Variants in BCAS3 observed in about 807,000 individuals in gnomAD.
BCAS3 encodes the protein BCAS3 microtubule associated cell migration factor, also known as BCAS4/BCAS3 fusion.
BCAS3 carries 53 observed loss-of-function variants against 116.1 expected under a neutral mutation model. The ratio of observed to expected loss-of-function variants is 0.46; its 90% CI spans 0.37 to 0.57. BCAS3 has a LOEUF of 0.57. BCAS3 is among the 20% of genes least tolerant of loss of function. BCAS3 has a pLI of 0.00. For missense variants in BCAS3, 917 were observed against 1,165.4 expected, an observed-to-expected ratio of 0.79 and a Z score of 3.10; for synonymous variants, 391 against 408.2, an observed-to-expected ratio of 0.96 and a Z score of 0.51.
chr17:60,815,631 T>G (rs950606175), intron 7 of BCAS3, among the ~76,000 whole-genome samples: 1 of 152,174 alleles, frequency 6.6e-6, no homozygotes, highest in African/African-American at 2.4e-5. Context: ...TGAGACTCAG[T>G]TTATAGGCAT....
At position 61,343,756 on chromosome 17, in the gene BCAS3, A is replaced by G. The variant is rs1383983429; in HGVS notation, c.2426-24571A>G. ...TGTGATTATCCTCTGTCTAAGTCAA[A>G]AGCAGCTTAATTCCTCTAAAAACAG... On this transcript the variant is annotated intron_variant, in intron 22 of 23. Transcript: ENST00000407086. The surrounding 1 kb of genome is among the most constrained non-coding windows in gnomAD (Gnocchi z 5.5). 6.6e-6 allele frequency among the ~76,000 whole-genome samples: 1 copy of G among 152,214 alleles called. No homozygotes were observed. Among genetic ancestry groups the G allele is most frequent in the Non-Finnish European group, 1.5e-5 (1 of 68,042 alleles).
intron 13 of BCAS3, among the ~76,000 whole-genome samples, chr17:60,940,646 A>G (rs895849691): frequency 5.3e-5 from 8 of 152,338 alleles, no homozygotes; most frequent in African/African-American, 1.9e-4. Context: ...GTTTGTATCT[A>G]TACAGGTGTT....
At chr17:60,925,955 C>T (rs2059347579) in intron 13 of BCAS3, among the ~76,000 whole-genome samples, 1 of 152,026 alleles carries the variant, frequency 6.6e-6, no homozygotes, top group African/African-American at 2.4e-5. Context: ...ACCCTATACA[C>T]ATAGCCTGAA....
At chr17:60,856,926 G>A (rs557762169) in intron 7 of BCAS3, among the ~76,000 whole-genome samples, 6 of 152,134 alleles carry the variant, frequency 3.9e-5, no homozygotes, top group East Asian at 1.9e-4. Flanking sequence ...TGAATTCACT[G>A]TGTAAATTCC....
chr17:60,906,006 C>T (rs892931597), intron 11 of BCAS3, among the ~76,000 whole-genome samples: 2 of 152,202 alleles, frequency 1.3e-5, no homozygotes, highest in Non-Finnish European at 1.5e-5. Context: ...GGGAACCTCT[C>T]GGTTGAATAT....
chr17:60,780,268 G>T (rs932397551), intron 6 of BCAS3, among the ~76,000 whole-genome samples: 10 of 150,062 alleles, frequency 6.7e-5, no homozygotes, highest in Admixed American at 6.7e-4. Flanking sequence ...GATTACAGGC[G>T]TGAGCCACCA....
At chr17:60,954,220 G>C (rs1725234355) in intron 14 of BCAS3, among the ~76,000 whole-genome samples, 1 of 152,086 alleles carries the variant, frequency 6.6e-6, no homozygotes, top group Non-Finnish European at 1.5e-5. Context: ...CCATTGGTTT[G>C]TGTGTCTGTT....
Position 61,098,316 on chromosome 17 carries a change from G to C in BCAS3, c.2425+13752G>C, listed in dbSNP as rs1200788584. Among the ~76,000 whole-genome samples, 1 of 152,156 alleles carries C rather than the reference G, an allele frequency of 6.6e-6. No homozygotes were observed. The highest frequency in any genetic ancestry group is 1.5e-5 in the Non-Finnish European group (1 of 68,018). ...AAATAGAGTCTTTGTCCCCCTTTCT[G>C]TTCTTAGTATTTAAGAGGCCTTCAT... On this transcript the variant is annotated intron_variant, in intron 22 of 23. Transcript: ENST00000407086. The surrounding 1 kb of genome is among the most constrained non-coding windows in gnomAD (Gnocchi z 4.2).
Position 61,239,770 on chromosome 17 carries a change from T to A in BCAS3, c.2426-128557T>A, listed in dbSNP as rs1318930107. On this transcript the variant is annotated intron_variant, in intron 22 of 23. Transcript: ENST00000407086. The surrounding 1 kb of genome is among the most constrained non-coding windows in gnomAD (Gnocchi z 4.2). ...TAAAATGTCTTAAGGTGCAACTTATTCTGGAGTTGATACCAGTTGGAATAG... is the reference window on the plus strand; with the variant it reads ...TAAAATGTCTTAAGGTGCAACTTATACTGGAGTTGATACCAGTTGGAATAG... Among the ~76,000 whole-genome samples, 2 of 152,380 alleles carry A rather than the reference T, an allele frequency of 1.3e-5. No homozygotes were observed. Among genetic ancestry groups the A allele is most frequent in the African/African-American group, 4.8e-5 (2 of 41,600 alleles).
chr17:61,280,300 C>T (rs1324809227), intron 22 of BCAS3, among the ~76,000 whole-genome samples: 1 of 152,210 alleles, frequency 6.6e-6, no homozygotes, highest in Admixed American at 6.5e-5. Context: ...CAAATTCCAA[C>T]CACTTGCAAT....
At chr17:60,682,322 C>A (rs2033283840) in intron 2 of BCAS3, among the ~76,000 whole-genome samples, 1 of 152,090 alleles carries the variant, frequency 6.6e-6, no homozygotes, top group Non-Finnish European at 1.5e-5. Context: ...ATTGAAGTTG[C>A]ATATGGCTGA....
chr17:60,965,909 G>C (rs1297851282), intron 14 of BCAS3, among the ~76,000 whole-genome samples: 1 of 152,126 alleles, frequency 6.6e-6, no homozygotes, highest in African/African-American at 2.4e-5. Context: ...TTTTATGTCT[G>C]AATGATTTGT....
intron 15 of BCAS3, among the ~76,000 whole-genome samples, chr17:61,001,954 A>G (rs936145571): frequency 6.6e-6 from 1 of 152,120 alleles, no homozygotes; most frequent in African/African-American, 2.4e-5. Context: ...AGATGCTTTC[A>G]TTTCAGAATC....
chr17:61,341,479 A>C (rs1420153109), intron 22 of BCAS3, among the ~76,000 whole-genome samples: 1 of 152,132 alleles, frequency 6.6e-6, no homozygotes, highest in African/African-American at 2.4e-5. Flanking sequence ...AGGCAGGTAC[A>C]TTATCCCTGT....
chr17:61,038,849 T>C (rs1212737865), intron 18 of BCAS3, among the ~76,000 whole-genome samples: 1 of 151,636 alleles, frequency 6.6e-6, no homozygotes, highest in Non-Finnish European at 1.5e-5. Context: ...TTAGTAGAGA[T>C]AGGGTTTCAC....
intron 23 of BCAS3, among the ~76,000 whole-genome samples, chr17:61,369,158 A>C (rs1031569335): frequency 1.3e-5 from 2 of 152,220 alleles, no homozygotes; most frequent in African/African-American, 2.4e-5. Context: ...GTACAGCTGT[A>C]ATACAGCCTG....
chr17:60,760,557 A>G (rs1383085776), intron 6 of BCAS3, among the ~76,000 whole-genome samples: 1 of 150,688 alleles, frequency 6.6e-6, no homozygotes, highest in East Asian at 1.9e-4. Flanking sequence ...CCAGGCCTGT[A>G]GCTTTCTGCT....
At chr17:61,016,018 T>C (rs2065429681) in intron 16 of BCAS3, 117 bp downstream of exon 16, 1 of 1,095,494 alleles carries the variant, frequency 9.1e-7, no homozygotes, top group South Asian at 1.6e-5. Flanking sequence ...CCAGCTCAAA[T>C]AAGACTTAAT....
At chr17:61,322,840 GAGAGAGAGAGAGAGAC>G (rs1602675880) in intron 22 of BCAS3, among the ~76,000 whole-genome samples, 31 of 143,544 alleles carry the variant, frequency 2.2e-4, no homozygotes, top group East Asian at 9.9e-4. Context: ...CAGAGAGAGA[GAGAGAGAGAGAGAGAC>G]AGAGAGAGAG....
Sources: gnomAD v4.1 joint callset for allele counts (sites outside exome capture counted in the v4.1 genomes callset) on GRCh38, gnomAD v4.1.1 for gene constraint, Gnocchi (gnomAD v3.1) non-coding constraint, MANE v1.5 for transcripts, NCBI Gene and HGNC (gene_info 2026-07-23, HGNC 2026-07-21) for gene names.